The following CHMP3 variants were observed in gnomAD, a reference collection of about 807,000 sequenced individuals.
The protein encoded by CHMP3 is charged multivesicular body protein 3.
Under a neutral mutation model 27.4 loss-of-function variants are expected in CHMP3, and 8 were observed. That is an observed-to-expected ratio of 0.29 (90% CI 0.17 to 0.53). The LOEUF is 0.53. Among genes scored for constraint, CHMP3 ranks in the 20% least tolerant of loss-of-function variants. CHMP3 has a pLI of 0.96. For synonymous variants in CHMP3, 86 were observed against 85.5 expected (o/e 1.01, Z -0.03); for missense variants, 208 against 271.5 (o/e 0.77, Z 1.64).
At chr2:86,537,181 G>A (rs1477988666) in intron 2 of CHMP3, among the ~76,000 whole-genome samples, 2 of 151,844 alleles carry the variant, frequency 1.3e-5, no homozygotes, top group African/African-American at 4.8e-5. Context: ...TTTTCTTTCT[G>A]TTCCTCAGAC....
At chr2:86,535,994 C>CTTTTTTTTTTTT (rs60555193) in intron 2 of CHMP3, among the ~76,000 whole-genome samples, 1 of 111,542 alleles carries the variant, frequency 9.0e-6, no homozygotes, top group Non-Finnish European at 1.7e-5. Flanking sequence ...ATAAACCTTT[C>CTTTTTTTTTTTT]TTTTTTTTTT....
Position 86,563,345 on chromosome 2 carries a change from C to T in CHMP3, c.4G>A (p.Gly2Arg). Residue 2 changes from glycine (G) to arginine (R), a missense_variant, in exon 1 of 6, where the codon GGG becomes AGG. Transcript: ENST00000263856. ...TTCTCCTGGGTCTTTCCAAACAGCC[C>T]CATGACGAACTGAACCCGTCTTGCC... is the stretch of plus-strand genomic sequence containing the variant. M[G>R]LFGKTQEKPP... 6.2e-7 allele frequency: 1 copy of T among 1,614,126 alleles called. No individual in the cohort carries two copies. Among genetic ancestry groups the T allele is most frequent in the Non-Finnish European group, 8.5e-7 (1 of 1,179,978 alleles).
Position 86,503,827 on chromosome 2 carries a change from C to T in CHMP3, c.*1977G>A, listed in dbSNP as rs988620680. On this transcript the variant is annotated 3_prime_UTR_variant, in exon 6 of 6. Transcript: ENST00000263856. ...CATGGATGGGGCTGGAGGCCATTAT[C>T]CTTAACAAACTAACATAGGAACAGG... The T allele has an allele frequency of 1.3e-5, 2 of 152,178 alleles. No individual in the cohort carries two copies. The highest frequency in any genetic ancestry group is 4.1e-4 in the South Asian group (2 of 4,834). 9.4% of individuals were successfully genotyped at this position (152,178 alleles called of 1,614,324 possible).
At chr2:86,533,770 G>A (rs1441951987) in intron 2 of CHMP3, among the ~76,000 whole-genome samples, 2 of 1,098 alleles carry the variant, frequency 1.8e-3, no homozygotes, top group African/African-American at 9.7e-3. Context: ...CTCCCAAAGT[G>A]TTGGGATTAA....
At chr2:86,529,515 C>T (rs544381366) in intron 2 of CHMP3, 118 bp from the exon 3 acceptor site, 1 of 995,114 alleles carries the variant, frequency 1.0e-6, no homozygotes. Context: ...GAAGGATATA[C>T]ATAAAATCAA....
intron 1 of CHMP3, among the ~76,000 whole-genome samples, chr2:86,548,287 A>G (rs1328751356): frequency 6.6e-6 from 1 of 151,884 alleles, no homozygotes; most frequent in Non-Finnish European, 1.5e-5. Context: ...GTCAGCAGAT[A>G]AACACGTGAA....
chr2:86,543,010 G>A (rs1403782195), intron 1 of CHMP3, among the ~76,000 whole-genome samples: 1 of 152,184 alleles, frequency 6.6e-6, no homozygotes, highest in Admixed American at 6.5e-5. Flanking sequence ...AAATTACTAT[G>A]TGCTTTTTAG....
intron 3 of CHMP3, among the ~76,000 whole-genome samples, chr2:86,523,486 C>T (rs549771079): frequency 6.6e-5 from 10 of 152,064 alleles, no homozygotes; most frequent in South Asian, 2.1e-4. Flanking sequence ...GCAGTGATTG[C>T]GCCTGTAATA....
Position 86,529,415 on chromosome 2 carries a change from C to A in CHMP3, c.107-18G>T. The A allele has an allele frequency of 1.3e-6, 2 of 1,557,300 alleles. No individual in the cohort carries two copies. The highest frequency in any genetic ancestry group is 1.9e-5 in the Admixed American group (1 of 51,306). Reference sequence around the variant, plus strand: ...TTGGATATCTAAATTTAGAACAGAACACCAAAAATCAAGGGTAAGTCAGGT... The same window carrying A: ...TTGGATATCTAAATTTAGAACAGAAAACCAAAAATCAAGGGTAAGTCAGGT... On this transcript the variant is annotated intron_variant, in intron 2 of 5. Transcript: ENST00000263856.
At chr2:86,561,570 T>C (rs939066879) in intron 1 of CHMP3, 2 of 152,180 alleles carry the variant, frequency 1.3e-5, no homozygotes, top group Non-Finnish European at 2.9e-5. Flanking sequence ...TGCTCTACAA[T>C]ACCCAGACTT....
At chr2:86,546,340 C>T (rs1338171697) in intron 1 of CHMP3, among the ~76,000 whole-genome samples, 3 of 103,880 alleles carry the variant, frequency 2.9e-5, no homozygotes, top group Admixed American at 3.1e-4. Flanking sequence ...AGTCCAGCCT[C>T]GGCAACAGAG....
intron 1 of CHMP3, among the ~76,000 whole-genome samples, chr2:86,553,187 G>C (rs1483742200): frequency 6.7e-6 from 1 of 148,936 alleles, no homozygotes; most frequent in Non-Finnish European, 1.5e-5. Flanking sequence ...ATACACCCTT[G>C]AACTTAAAAG....
At chr2:86,542,376 A>G in intron 1 of CHMP3, 64 bp from the exon 2 acceptor site, 1 of 1,478,396 alleles carries the variant, frequency 6.8e-7, no homozygotes, top group African/African-American at 1.4e-5. Flanking sequence ...ATCTAATTTA[A>G]GAATTTTGTA....
chr2:86,563,271 C>T, intron 1 of CHMP3, 33 bp downstream of exon 1: 2 of 1,613,332 alleles, frequency 1.2e-6, no homozygotes, highest in Non-Finnish European at 8.5e-7. Flanking sequence ...CACACAGATC[C>T]ACCCGCTTAT....
chr2:86,560,102 A>G (rs1013248248), intron 1 of CHMP3, among the ~76,000 whole-genome samples: 5 of 152,162 alleles, frequency 3.3e-5, no homozygotes, highest in African/African-American at 1.2e-4. Flanking sequence ...TGTCTCTACT[A>G]AACACACAAA....
At chr2:86,512,025 A>C (rs1256447008) in intron 3 of CHMP3, 1 of 152,218 alleles carries the variant, frequency 6.6e-6, no homozygotes, top group Non-Finnish European at 1.5e-5. Flanking sequence ...AAAAACACTC[A>C]AGTTGATAAC....
At chr2:86,557,212 C>T (rs568752758) in intron 1 of CHMP3, among the ~76,000 whole-genome samples, 10 of 152,328 alleles carry the variant, frequency 6.6e-5, no homozygotes, top group Admixed American at 5.2e-4. Context: ...GCTCATGGCA[C>T]TGCCATTCAG....
chr2:86,542,877 A>G (rs1451054701), intron 1 of CHMP3: 1 of 152,228 alleles, frequency 6.6e-6, no homozygotes, highest in Non-Finnish European at 1.5e-5. Flanking sequence ...AAAGTAGTAA[A>G]TTACTCTAAT....
chr2:86,552,474 A>G (rs575953500), intron 1 of CHMP3, among the ~76,000 whole-genome samples: 2 of 152,346 alleles, frequency 1.3e-5, no homozygotes, highest in South Asian at 2.1e-4. Context: ...CCCTTATAGA[A>G]TAGCTGATTC....
Sources: gnomAD v4.1 joint callset for allele counts (sites outside exome capture counted in the v4.1 genomes callset) on GRCh38, gnomAD v4.1.1 for gene constraint, MANE v1.5 for transcripts, NCBI Gene and HGNC (gene_info 2026-07-23, HGNC 2026-07-21) for gene names.